ZCCHC14: variants seen among roughly 807,000 people sequenced by gnomAD.
The protein encoded by ZCCHC14 is zinc finger CCHC-type containing 14, also known as zinc finger CCHC domain-containing protein 14.
In ZCCHC14, 16 loss-of-function variants were observed where a neutral mutation model predicts 85.0. The observed-to-expected ratio is 0.19, with a 90% CI of 0.13 to 0.29. The LOEUF is 0.29. Among genes scored for constraint, ZCCHC14 ranks in the 10% least tolerant of loss-of-function variants. ZCCHC14 has a pLI of 1.00. For missense variants in ZCCHC14, 1,303 were observed against 1,443.5 expected (o/e 0.90, Z 1.58); for synonymous variants, 775 against 630.7 (o/e 1.23, Z -3.43).
intron 1 of ZCCHC14, among the ~76,000 whole-genome samples, chr16:87,482,803 T>A (rs960042196): frequency 1.3e-5 from 2 of 152,070 alleles, no homozygotes; most frequent in African/African-American, 4.8e-5. Context: ...AAAACTAACT[T>A]TGTACCTTAT....
Position 87,460,093 on chromosome 16 carries a change from A to G in ZCCHC14, c.609T>C (p.Ser203=), listed in dbSNP as rs192979034. 12 of 1,614,136 alleles carry G rather than the reference A, an allele frequency of 7.4e-6. No homozygotes were observed. The highest frequency in any genetic ancestry group is 1.0e-5 in the Non-Finnish European group (12 of 1,180,010). Residue 203 remains serine (S), a synonymous_variant, in exon 2 of 13, where the codon AGT becomes AGC. Transcript: ENST00000671377. ...PRTEAPVSSV[S]NSLENALHTS... Reference sequence around the variant, plus strand: ...TGTGCAGGGCATTCTCCAAACTATTACTGACACTGCTGACAGGGGCCTCAG... The same window carrying G: ...TGTGCAGGGCATTCTCCAAACTATTGCTGACACTGCTGACAGGGGCCTCAG...
intron 2 of ZCCHC14, among the ~76,000 whole-genome samples, chr16:87,446,408 T>G (rs1052090282): frequency 2.0e-5 from 3 of 150,186 alleles, no homozygotes; most frequent in African/African-American, 7.4e-5. Context: ...CACTCGAACC[T>G]GGAAGGCAGA....
Position 87,415,329 on chromosome 16 carries a change from C to T in ZCCHC14, c.1422G>A (p.Glu474=), listed in dbSNP as rs750396154. ...SLTEEDLNKF[E]SLTMGAKKKL... ...TCTTCTTTGCCCCCATGGTAAGAGA[C>T]TCAAATTTATTCAGATCTTCTTCAG... is the stretch of plus-strand genomic sequence containing the variant. The change falls in exon 9 of 13, where the codon GAG becomes GAA. Residue 474 remains glutamate, a synonymous_variant. Transcript: ENST00000671377. The T allele has an allele frequency of 6.2e-7, 1 of 1,613,944 alleles. No homozygotes were observed. Among genetic ancestry groups the T allele is most frequent in the East Asian group, 2.2e-5 (1 of 44,882 alleles).
At chr16:87,453,386 G>T (rs1910801407) in intron 2 of ZCCHC14, among the ~76,000 whole-genome samples, 1 of 152,246 alleles carries the variant, frequency 6.6e-6, no homozygotes, top group South Asian at 2.1e-4. Flanking sequence ...CTGGAGGAAG[G>T]CCGCAGAACA....
chr16:87,414,898 T>A (rs891774757), intron 9 of ZCCHC14, among the ~76,000 whole-genome samples: 2 of 152,074 alleles, frequency 1.3e-5, no homozygotes, highest in African/African-American at 4.8e-5. Context: ...TTGGCCAATA[T>A]GGTAAAACCC....
rs1182795245 is a variant in ZCCHC14 at position 87,492,912 on chromosome 16, C to G, written c.-674G>C. Among the ~76,000 whole-genome samples the G allele has an allele frequency of 7.0e-6, 1 of 142,198 alleles. No individual in the cohort carries two copies. Among genetic ancestry groups the G allele is most frequent in the Non-Finnish European group, 1.5e-5 (1 of 66,780 alleles). 93.3% of individuals were successfully genotyped at this position (142,198 alleles called of 152,430 possible). On this transcript the variant is annotated 5_prime_UTR_variant, in exon 1 of 13. Transcript: ENST00000671377. The surrounding 1 kb of genome is among the most constrained non-coding windows in gnomAD (Gnocchi z 6.7). ...CGGACGGATCCGGGCCCGAGCGCGG[C>G]GGCGGCGGCGACGGCGACGGCGACG...
intron 6 of ZCCHC14, among the ~76,000 whole-genome samples, chr16:87,419,377 T>C (rs1908968573): frequency 6.6e-6 from 1 of 152,246 alleles, no homozygotes; most frequent in African/African-American, 2.4e-5. Flanking sequence ...CTCGGCTCAC[T>C]GCAACCACCG....
At chr16:87,488,467 C>T (rs1395504116) in intron 1 of ZCCHC14, among the ~76,000 whole-genome samples, 1 of 152,214 alleles carries the variant, frequency 6.6e-6, no homozygotes, top group Non-Finnish European at 1.5e-5. Context: ...ACTCCCCCCA[C>T]TTTTACACCT....
chr16:87,464,026 T>G (rs1050165959), intron 1 of ZCCHC14, among the ~76,000 whole-genome samples: 4 of 152,186 alleles, frequency 2.6e-5, no homozygotes, highest in African/African-American at 9.7e-5. Context: ...CAGTTCCAAC[T>G]TTGCTGGTAG....
At chr16:87,427,795 G>A (rs1490833497) in intron 3 of ZCCHC14, among the ~76,000 whole-genome samples, 1 of 122,478 alleles carries the variant, frequency 8.2e-6, no homozygotes, top group Non-Finnish European at 1.8e-5. Flanking sequence ...GTGCCACAAT[G>A]ACCAACTACT....
chr16:87,425,965 CA>C (rs1002596083), intron 3 of ZCCHC14, among the ~76,000 whole-genome samples: 3 of 152,216 alleles, frequency 2.0e-5, no homozygotes, highest in African/African-American at 4.8e-5. Flanking sequence ...GCTTTTCCAA[CA>C]GTTATGCACT....
intron 2 of ZCCHC14, among the ~76,000 whole-genome samples, chr16:87,447,322 G>A (rs189226935): frequency 2.3e-4 from 35 of 152,026 alleles, no homozygotes; most frequent in African/African-American, 8.0e-4. Context: ...TTTAATTTGA[G>A]GCGAAATTTA....
chr16:87,413,687 G>A (rs1372915249), intron 10 of ZCCHC14, among the ~76,000 whole-genome samples: 1 of 152,128 alleles, frequency 6.6e-6, no homozygotes, highest in Non-Finnish European at 1.5e-5. Context: ...TTTCTGAGAG[G>A]GGAGGATGAA....
At chr16:87,472,234 G>T (rs1330700638) in intron 1 of ZCCHC14, 1 of 152,214 alleles carries the variant, frequency 6.6e-6, no homozygotes, top group Admixed American at 6.5e-5. Context: ...CACTAGTCGT[G>T]CGACACAAGT....
chr16:87,435,394 C>T (rs1909871893), intron 2 of ZCCHC14, among the ~76,000 whole-genome samples: 1 of 152,256 alleles, frequency 6.6e-6, no homozygotes, highest in African/African-American at 2.4e-5. Flanking sequence ...TAAACCAACA[C>T]CCGCCCGTCC....
rs1908373866 is a variant in ZCCHC14, at chr16:87,410,299, C to T, written c.3242G>A (p.Ser1081Asn). Residue 1081 changes from serine (S) to asparagine (N), a missense_variant, in exon 13 of 13, where the codon AGT becomes AAT. This residue lies in a region of ZCCHC14 where 797 missense variants were observed against 730.8 expected (regional missense o/e 1.09). Coordinates refer to ENST00000671377, the MANE Select transcript of ZCCHC14 (RefSeq NM_015144.3). ...AAAATATCAATCTGTGGAGTCCAGACTTTCTGCTGGAGGGGCGTATTTCAA... is the reference window on the plus strand; with the variant it reads ...AAAATATCAATCTGTGGAGTCCAGATTTTCTGCTGGAGGGGCGTATTTCAA... ...FRLKYAPPAESLDSTD is the reference protein window; with the variant it reads ...FRLKYAPPAENLDSTD 1 of 776,728 alleles carries T rather than the reference C, an allele frequency of 1.3e-6. No homozygotes were observed. The highest frequency in any genetic ancestry group is 2.4e-5 in the East Asian group (1 of 40,920). 48.1% of individuals were successfully genotyped at this position (776,728 alleles called of 1,614,324 possible).
Position 87,489,601 on chromosome 16 carries a change from A to G in ZCCHC14, c.570+2068T>C, listed in dbSNP as rs1305255575. On this transcript the variant is annotated intron_variant, in intron 1 of 12. Coordinates refer to ENST00000671377, the MANE Select transcript of ZCCHC14 (RefSeq NM_015144.3). ...TTACATCCCCTCCACTGCAACAGGG[A>G]CAACACTGAGGGGCAGAAGGATCCT... Among the ~76,000 whole-genome samples, 4 of 152,310 alleles carry G rather than the reference A, an allele frequency of 2.6e-5. No individual in the cohort carries two copies. The South Asian group carries it at 6.2e-4, about 24-fold the overall frequency.
chr16:87,433,312 G>T, intron 2 of ZCCHC14, 111 bp from the exon 3 acceptor site: 1 of 1,009,702 alleles, frequency 9.9e-7, no homozygotes, highest in Non-Finnish European at 1.5e-6. Flanking sequence ...AGCACCCAAG[G>T]CTGTCCTGTC....
chr16:87,489,952 C>T (rs1362677966), intron 1 of ZCCHC14, among the ~76,000 whole-genome samples: 1 of 152,174 alleles, frequency 6.6e-6, no homozygotes, highest in Non-Finnish European at 1.5e-5. Context: ...AGTAACAGCA[C>T]ATGAAACTGA....
Sources: allele counts gnomAD v4.1 joint callset (sites outside exome capture counted in the v4.1 genomes callset), GRCh38; gene constraint gnomAD v4.1.1; regional missense constraint gnomAD v4.1.1; non-coding constraint Gnocchi (gnomAD v3.1); transcripts MANE v1.5; gene names NCBI Gene and HGNC (gene_info 2026-07-23, HGNC 2026-07-21).